The following CARMIL3 variants were observed in gnomAD, a reference collection of about 807,000 sequenced individuals.
The protein encoded by CARMIL3 is capping protein, Arp2/3 and myosin-I linker protein 3.
CARMIL3 carries 88 observed loss-of-function variants against 180.8 expected under a neutral mutation model. The observed-to-expected ratio is 0.49, with a 90% CI of 0.41 to 0.58. The LOEUF (loss-of-function observed/expected upper bound fraction) is 0.58. Among genes scored for constraint, CARMIL3 ranks in the 20% least tolerant of loss-of-function variants. CARMIL3 has a pLI of 0.00. For missense variants in CARMIL3, 1,548 were observed against 1,787.0 expected, an observed-to-expected ratio of 0.87 and a Z score of 2.41; for synonymous variants, 696 against 714.5, an observed-to-expected ratio of 0.97 and a Z score of 0.41.
Position 24,056,975 on chromosome 14 carries a change from A to G in CARMIL3, c.1013A>G (p.Tyr338Cys). 6.2e-7 allele frequency: 1 copy of G among 1,613,992 alleles called. No individual in the cohort carries two copies. The highest frequency in any genetic ancestry group is 8.5e-7 in the Non-Finnish European group (1 of 1,179,960). ...CCAGCATTTGCCAGCTCCCTTCGAT[A>G]CCTGGACCTGAGCAAGAATCCTGGG... ...ANPAFASSLRYLDLSKNPGLL... is the reference protein window; with the variant it reads ...ANPAFASSLRCLDLSKNPGLL... The change falls in exon 13 of 40, where the codon TAC becomes TGC. Residue 338 changes from tyrosine to cysteine, a missense_variant. By Grantham distance (194) the Tyr-to-Cys change is radical (BLOSUM62 -2). This residue lies in a region of CARMIL3 where 578 missense variants were observed against 666.5 expected (regional missense o/e 0.87). Coordinates refer to ENST00000342740, the MANE Select transcript of CARMIL3 (RefSeq NM_138360.4).
At position 24,068,607 on chromosome 14, in the gene CARMIL3, A is replaced by C. The variant is rs1189749523; in HGVS notation, c.3706A>C (p.Ser1236Arg). The change falls in exon 37 of 40, where the codon AGC (serine) becomes CGC (arginine). Residue 1236 changes from serine to arginine, a missense_variant. Ser to Arg is a moderately radical substitution (Grantham distance 110, BLOSUM62 -1). Around this residue, in one of 4 missense-constraint regions of CARMIL3, gnomAD observed 668 missense variants for 687.8 expected, o/e 0.97. Transcript: ENST00000342740. ...AGCTGAAGAGAGTGCCCCCAACCACAGCTGCCAGAGTCCCAGCCCAGCCTC... is the reference window on the plus strand; with the variant it reads ...AGCTGAAGAGAGTGCCCCCAACCACCGCTGCCAGAGTCCCAGCCCAGCCTC... Reference protein sequence around the residue: ...HIAEESAPNHSCQSPSPASQD... With the variant: ...HIAEESAPNHRCQSPSPASQD... The C allele has an allele frequency of 6.2e-7, 1 of 1,613,526 alleles. No homozygotes were observed. The highest frequency in any genetic ancestry group is 1.7e-5 in the Admixed American group (1 of 59,938).
At position 24,060,932 on chromosome 14, in the gene CARMIL3, T is replaced by C; in HGVS notation, c.2196T>C (p.Phe732=). 6.4e-7 allele frequency: 1 copy of C among 1,551,578 alleles called. No individual in the cohort carries two copies. Among genetic ancestry groups the C allele is most frequent in the Non-Finnish European group, 8.7e-7 (1 of 1,146,908 alleles). The change falls in exon 26 of 40, where the codon TTT becomes TTC. Residue 732 remains phenylalanine (F), a synonymous_variant. Transcript: ENST00000342740. ...IKDAKNSRAL[F]PSLYELGHVL... ...ATAACCCCTTCCTTCTCCAGCTGTT[T>C]CCCAGCCTCTATGAGCTGGGCCACG...
At position 24,062,484 on chromosome 14, in the gene CARMIL3, G is replaced by A; in HGVS notation, c.2485G>A (p.Val829Met). 1.2e-6 allele frequency: 2 copies of A among 1,614,168 alleles called. No individual in the cohort carries two copies. Among genetic ancestry groups the A allele is most frequent in the South Asian group, 1.1e-5 (1 of 91,086 alleles). Residue 829 changes from valine (V) to methionine (M), a missense_variant, in exon 28 of 40, where the codon GTG becomes ATG. Coordinates refer to ENST00000342740, the MANE Select transcript of CARMIL3 (RefSeq NM_138360.4). ...GQDIQNKLDEVKLSVVTYLTS... is the reference protein window; with the variant it reads ...GQDIQNKLDEMKLSVVTYLTS... ...TAGCCCCACCTGTGCCCACAGTGAA[G>A]TGAAGCTCTCAGTCGTCACCTACCT...
intron 24 of CARMIL3, 71 bp downstream of exon 24, chr14:24,060,326 T>A: frequency 1.9e-6 from 3 of 1,538,544 alleles, no homozygotes; most frequent in Non-Finnish European, 2.7e-6. Flanking sequence ...GATGGAAAAT[T>A]GAGTGGGGGA....
In CARMIL3 at chr14:24,058,656, C is replaced by G; in HGVS notation, c.1393-24C>G. ...CTACCCCCACCCCAACCCCTGCCTT[C>G]CCTACCTCACCTTGTCCCTGCAGCT... On this transcript the variant is annotated intron_variant, in intron 17 of 39. Transcript: ENST00000342740. The surrounding 1 kb of genome is among the most constrained non-coding windows in gnomAD (Gnocchi z 6.4). 6.2e-7 allele frequency: 1 copy of G among 1,610,460 alleles called. No individual in the cohort carries two copies. The highest frequency in any genetic ancestry group is 8.5e-7 in the Non-Finnish European group (1 of 1,177,676).
chr14:24,059,620 A>G lies in CARMIL3; in HGVS notation c.1800-44A>G, dbSNP rs1158752114. On this transcript the variant is annotated intron_variant, in intron 21 of 39. Transcript: ENST00000342740. The surrounding 1 kb of genome is among the most constrained non-coding windows in gnomAD (Gnocchi z 6.3). ...TTTGTGTCCCTGGCCCCTAGTAGGG[A>G]CCCAGGAGGAGAGGTGCCAAACTGG... The G allele has an allele frequency of 5.0e-6, 8 of 1,601,842 alleles. No homozygotes were observed. The highest frequency in any genetic ancestry group is 6.8e-6 in the Non-Finnish European group (8 of 1,169,922).
At position 24,065,647 on chromosome 14, in the gene CARMIL3, AG is replaced by A. The variant is rs750529250; in HGVS notation, c.3428del (p.Gly1143AlafsTer85). ...GGCACTGAGGGGTCAGAGCCAGGGGAGGGGGGCCCAGCCCCTGGGACAGCAC... is the reference window on the plus strand; with the variant it reads ...GGCACTGAGGGGTCAGAGCCAGGGGAGGGGGCCCAGCCCCTGGGACAGCAC... ...KMGTEGSEPGEGGPAPGTAQQ... is the reference protein window; with the variant it reads ...KMGTEGSEPGXGGPAPGTAQQ... On this transcript the variant is annotated frameshift_variant, in exon 34 of 40. Transcript: ENST00000342740. LOFTEE classifies it high-confidence loss of function. 1.9e-6 allele frequency: 3 copies of A among 1,612,712 alleles called. No individual in the cohort carries two copies. The highest frequency in any genetic ancestry group is 1.3e-5 in the African/African-American group (1 of 74,790).
rs2035693701 is a variant in CARMIL3, at chr14:24,058,146, C to G, written c.1323-9C>G. ...GGTAAAGGAGGGCCTGCTGACCTCC[C>G]TCCCACAGGGCGCTGCTTCAGGGCC... On this transcript the variant is annotated splice_polypyrimidine_tract_variant and intron_variant, in intron 16 of 39. Transcript: ENST00000342740. The surrounding 1 kb of genome is among the most constrained non-coding windows in gnomAD (Gnocchi z 6.4). 5.6e-6 allele frequency: 9 copies of G among 1,613,832 alleles called. No individual in the cohort carries two copies. Among genetic ancestry groups the G allele is most frequent in the Non-Finnish European group, 7.6e-6 (9 of 1,179,994 alleles).
In CARMIL3 at chr14:24,062,772, G is replaced by T; in HGVS notation, c.2632G>T (p.Asp878Tyr). The T allele has an allele frequency of 1.2e-6, 2 of 1,613,886 alleles. No homozygotes were observed. Among genetic ancestry groups the T allele is most frequent in the East Asian group, 4.5e-5 (2 of 44,882 alleles). The change falls in exon 29 of 40, where the codon GAT becomes TAT. Residue 878 changes from aspartate to tyrosine, a missense_variant. Asp to Tyr is a radical substitution (Grantham distance 160, BLOSUM62 -3). Around this residue, in one of 4 missense-constraint regions of CARMIL3, gnomAD observed 668 missense variants for 687.8 expected, o/e 0.97. Coordinates refer to ENST00000342740, the MANE Select transcript of CARMIL3 (RefSeq NM_138360.4). Reference sequence around the variant, plus strand: ...ACCAGGGTGCCCAGGCCAAGGGCAGGATCTGTCCTCCCGGGGCCGAGGCCG... The same window carrying T: ...ACCAGGGTGCCCAGGCCAAGGGCAGTATCTGTCCTCCCGGGGCCGAGGCCG... ...DPPGCPGQGQ[D>Y]LSSRGRGRNH... is the part of the protein sequence containing the mutation.
In CARMIL3 at chr14:24,059,197, C is replaced by T. The variant is rs1235722397; in HGVS notation, c.1626+8C>T. On this transcript the variant is annotated splice_region_variant and intron_variant, in intron 20 of 39. Transcript: ENST00000342740. This position sits in a 1 kb window ranked among gnomAD's most constrained non-coding sequence, Gnocchi z 6.3. ...ATCCAGGAAGAGGACTGTGTGAGTG[C>T]CTGGGCCTGGGAGGGGACCTGCAGT... The T allele has an allele frequency of 1.9e-6, 3 of 1,613,250 alleles. No individual in the cohort carries two copies. In the African/African-American group the frequency reaches 4.0e-5, roughly 22 times the overall value.
intron 12 of CARMIL3, 83 bp from the exon 13 acceptor site, chr14:24,056,832 G>A (rs1053455829): frequency 5.6e-5 from 87 of 1,544,456 alleles, no homozygotes; most frequent in Non-Finnish European, 6.9e-5. Flanking sequence ...AAGGAGCCAC[G>A]TTTGGGGAGA....
rs1483442749 is a variant in CARMIL3, at chr14:24,054,089, C to T, written c.137C>T (p.Ala46Val). The T allele has an allele frequency of 5.6e-6, 9 of 1,613,620 alleles. No individual in the cohort carries two copies. The highest frequency in any genetic ancestry group is 7.6e-6 in the Non-Finnish European group (9 of 1,179,988). The change falls in exon 3 of 40, where the codon GCC (alanine) becomes GTC (valine). Residue 46 changes from alanine (A) to valine (V), a missense_variant and splice_region_variant. Coordinates refer to ENST00000342740, the MANE Select transcript of CARMIL3 (RefSeq NM_138360.4). This position sits in a 1 kb window ranked among gnomAD's most constrained non-coding sequence, Gnocchi z 5.1. ...KPKKFEDRVLALTSWRLHLFL... is the reference protein window; with the variant it reads ...KPKKFEDRVLVLTSWRLHLFL... ...GCCGATTTTTTCCTCTCTCTGTAGG[C>T]CCTGACCTCCTGGCGCCTCCACCTC...
In CARMIL3 at chr14:24,054,762, A is replaced by C. The variant is rs1043302425; in HGVS notation, c.414A>C (p.Thr138=). The change falls in exon 6 of 40, where the codon ACA becomes ACC. Residue 138 remains threonine (T), a synonymous_variant. Coordinates refer to ENST00000342740, the MANE Select transcript of CARMIL3 (RefSeq NM_138360.4). The surrounding 1 kb of genome is among the most constrained non-coding windows in gnomAD (Gnocchi z 5.1). ...ACACCCCAGAGGGGCCCCGAGATAC[A>C]TCCCCCAACTCTGAGACTTCCACAT... ...NADTPEGPRD[T]SPNSETSTST... is the part of the protein sequence containing the mutation. The C allele has an allele frequency of 6.2e-7, 1 of 1,614,054 alleles. No homozygotes were observed. The highest frequency in any genetic ancestry group is 1.1e-5 in the South Asian group (1 of 91,072).
chr14:24,069,604 C>T lies in CARMIL3; in HGVS notation c.*200C>T, dbSNP rs1295518114. The T allele has an allele frequency of 4.8e-6, 3 of 622,592 alleles. No individual in the cohort carries two copies. The highest frequency in any genetic ancestry group is 2.8e-5 in the East Asian group (1 of 36,270). 38.6% of individuals were successfully genotyped at this position (622,592 alleles called of 1,614,324 possible). The stretch of plus-strand genomic sequence containing the variant: ...AGACGGAGGCTGTCAGTGCCTGCCT[C>T]GATACCTCTCTCTGCAGAGAGCTTC... On this transcript the variant is annotated 3_prime_UTR_variant, in exon 40 of 40. Coordinates refer to ENST00000342740, the MANE Select transcript of CARMIL3 (RefSeq NM_138360.4).
chr14:24,060,029 G>A lies in CARMIL3; in HGVS notation c.1928G>A (p.Ser643Asn). 6.2e-7 allele frequency: 1 copy of A among 1,613,960 alleles called. No homozygotes were observed. Among genetic ancestry groups the A allele is most frequent in the Non-Finnish European group, 8.5e-7 (1 of 1,180,028 alleles). Residue 643 changes from serine (S) to asparagine (N), a missense_variant, in exon 23 of 40, where the codon AGC (serine) becomes AAC (asparagine). Ser to Asn is a conservative substitution (Grantham distance 46). Transcript: ENST00000342740. ...AGCGACATCTCCCAAGCCTATCGCA[G>A]CGCGCCTGAGCGCACCGAGGACGTC... is the stretch of plus-strand genomic sequence containing the variant. The part of the protein sequence containing the change: ...PVSDISQAYR[S>N]APERTEDVWQ...
Position 24,055,000 on chromosome 14 carries a change from C to A in CARMIL3, c.461-66C>A. On this transcript the variant is annotated intron_variant, in intron 6 of 39. Transcript: ENST00000342740. This position sits in a 1 kb window ranked among gnomAD's most constrained non-coding sequence, Gnocchi z 5.1. ...GGCACATAAAGTGACCTTGACTGTT[C>A]TTGAACCCCAAGCCTATTCCCCATC... The A allele has an allele frequency of 1.3e-6, 2 of 1,563,732 alleles. No homozygotes were observed. Among genetic ancestry groups the A allele is most frequent in the African/African-American group, 1.4e-5 (1 of 73,992 alleles).
rs1480230659 is a variant in CARMIL3 at position 24,063,424 on chromosome 14, C to T, written c.2870C>T (p.Ser957Phe). The T allele has an allele frequency of 1.2e-6, 2 of 1,613,908 alleles. No homozygotes were observed. Among genetic ancestry groups the T allele is most frequent in the Non-Finnish European group, 8.5e-7 (1 of 1,180,010 alleles). ...GGCAGCCAGCCCACAGCTAGTGGCT[C>T]CTGGGAAGGTCTATCTGAGCTGCCC... ...LGGSQPTASG[S>F]WEGLSELPTH... Residue 957 changes from serine (S) to phenylalanine (F), a missense_variant, in exon 31 of 40, where the codon TCC becomes TTC. Around this residue, in one of 4 missense-constraint regions of CARMIL3, gnomAD observed 668 missense variants for 687.8 expected, o/e 0.97. Coordinates refer to ENST00000342740, the MANE Select transcript of CARMIL3 (RefSeq NM_138360.4).
Position 24,055,553 on chromosome 14 carries a change from C to T in CARMIL3, c.616C>T (p.Leu206=). The change falls in exon 9 of 40, where the codon CTA becomes TTA. Residue 206 remains leucine, a synonymous_variant. Coordinates refer to ENST00000342740, the MANE Select transcript of CARMIL3 (RefSeq NM_138360.4). ...FSHLESRDLA[L]MVAALAYNQW... is the part of the protein sequence containing the mutation. The stretch of plus-strand genomic sequence containing the variant: ...TCCATATCCCCACAGAGACTTGGCC[C>T]TAATGGTAGCAGCCCTGGCCTACAA... The T allele has an allele frequency of 1.9e-6, 3 of 1,614,168 alleles. No homozygotes were observed. Among genetic ancestry groups the T allele is most frequent in the Admixed American group, 1.7e-5 (1 of 60,022 alleles).
At position 24,052,162 on chromosome 14, in the gene CARMIL3, G is replaced by A. The variant is rs145205782; in HGVS notation, c.9G>A (p.Lys3=). Residue 3 remains lysine, a synonymous_variant, in exon 1 of 40, where the codon AAG becomes AAA. Coordinates refer to ENST00000342740, the MANE Select transcript of CARMIL3 (RefSeq NM_138360.4). ...CAGCAGCAGCGGCCGCCATGGCCAA[G>A]CCCAGCGTGGAGCTCACCCGCGAGT... is the stretch of plus-strand genomic sequence containing the variant. MA[K]PSVELTRELQ... is the part of the protein sequence containing the mutation. The A allele has an allele frequency of 2.5e-4, 398 of 1,589,808 alleles. 1 individual carries two copies. In the African/African-American group the frequency reaches 5.0e-3, roughly 20 times the overall value.
Sources: allele counts gnomAD v4.1 joint callset, GRCh38; gene constraint gnomAD v4.1.1; regional missense constraint gnomAD v4.1.1; non-coding constraint Gnocchi (gnomAD v3.1); transcripts MANE v1.5; gene names NCBI Gene and HGNC (gene_info 2026-07-23, HGNC 2026-07-21).